The following RBFOX1 variants were observed in gnomAD, a reference collection of about 807,000 sequenced individuals.
The protein encoded by RBFOX1 is RNA binding protein fox-1 homolog 1.
In RBFOX1, 8 loss-of-function variants were observed where a neutral mutation model predicts 57.7. The observed-to-expected ratio is 0.14, with a 90% CI of 0.08 to 0.25. The LOEUF is 0.25. Among genes scored for constraint, RBFOX1 ranks in the 10% least tolerant of loss-of-function variants. The pLI is 1.00. For synonymous variants in RBFOX1, 326 were observed against 222.4 expected, an observed-to-expected ratio of 1.47 and a Z score of -4.15; for missense variants, 611 against 548.5, an observed-to-expected ratio of 1.11 and a Z score of -1.14.
intron 4 of RBFOX1, among the ~76,000 whole-genome samples, chr16:7,432,459 C>A (rs2098689668): frequency 6.6e-6 from 1 of 152,170 alleles, no homozygotes; most frequent in Non-Finnish European, 1.5e-5. Context: ...GAGAGACTGT[C>A]ACTCAGGTTG....
intron 1 of RBFOX1, among the ~76,000 whole-genome samples, chr16:6,236,130 C>T (rs576220557): frequency 1.6e-3 from 244 of 152,294 alleles, no homozygotes; most frequent in African/African-American, 5.4e-3. Context: ...AAAAGCAAAA[C>T]ATATTCCATA....
At chr16:7,211,458 A>G (rs1210953750) in intron 4 of RBFOX1, among the ~76,000 whole-genome samples, 2 of 151,390 alleles carry the variant, frequency 1.3e-5, no homozygotes, top group Non-Finnish European at 2.9e-5. Flanking sequence ...GTGGGCTGGT[A>G]GCTGTCATAG....
At chr16:7,678,348 T>C (rs1370089331) in intron 14 of RBFOX1, among the ~76,000 whole-genome samples, 1 of 152,190 alleles carries the variant, frequency 6.6e-6, no homozygotes, top group East Asian at 1.9e-4. Flanking sequence ...ATAAAAATGA[T>C]GACAATCTTG....
At position 6,466,187 on chromosome 16, in the gene RBFOX1, A is replaced by AC. The variant is rs1201694445; in HGVS notation, c.-64+149132dup. On this transcript the variant is annotated intron_variant, in intron 2 of 15. Transcript: ENST00000550418. ...GAGGTTGCAAGTGAGCTGAGGTTGC[A>AC]CCACTGCACTCCAGCCTGGGCGACA... Among the ~76,000 whole-genome samples the AC allele has an allele frequency of 3.3e-5, 5 of 151,358 alleles. No individual in the cohort carries two copies. In the East Asian group the frequency reaches 9.7e-4, roughly 29 times the overall value.
chr16:6,098,951 G>C (rs1003222103), intron 1 of RBFOX1, among the ~76,000 whole-genome samples: 4 of 152,182 alleles, frequency 2.6e-5, no homozygotes, highest in African/African-American at 4.8e-5. Context: ...CACTTCGTAA[G>C]CCACCTTCTG....
At chr16:5,649,845 T>C (rs1048219991) in intron 3 of RBFOX1, among the ~76,000 whole-genome samples, 24 of 152,196 alleles carry the variant, frequency 1.6e-4, no homozygotes, top group African/African-American at 5.1e-4. Context: ...GGCTGGTGGA[T>C]TGCCCTTGAG....
chr16:6,358,552 G>C (rs1029884859), intron 2 of RBFOX1, among the ~76,000 whole-genome samples: 1 of 152,180 alleles, frequency 6.6e-6, no homozygotes, highest in African/African-American at 2.4e-5. Flanking sequence ...AATTTGAATA[G>C]ATTTCATTTA....
chr16:7,067,754 C>T (rs1445027173), intron 4 of RBFOX1, among the ~76,000 whole-genome samples: 2 of 138,112 alleles, frequency 1.4e-5, no homozygotes, highest in Non-Finnish European at 3.0e-5. Context: ...TCTCATTGTT[C>T]AATTCCTACC....
intron 1 of RBFOX1, among the ~76,000 whole-genome samples, chr16:5,271,523 G>A (rs1270127124): frequency 1.3e-5 from 2 of 152,244 alleles, no homozygotes; most frequent in African/African-American, 2.4e-5. Flanking sequence ...TTTCTGTCCT[G>A]AGATGTAGAG....
intron 2 of RBFOX1, among the ~76,000 whole-genome samples, chr16:6,604,375 C>A (rs889409780): frequency 6.6e-6 from 1 of 151,974 alleles, no homozygotes; most frequent in African/African-American, 2.4e-5. Flanking sequence ...TAGGGCCTTG[C>A]TTTGTTGCCC....
chr16:7,710,989 G>C lies in RBFOX1; in HGVS notation c.*244G>C, dbSNP rs1404492497. ...TTGGTTGCTGGCTGTAGGAGTTTTTGTGGTTGATCTAGACAGATGCTAGAT... is the reference window on the plus strand; with the variant it reads ...TTGGTTGCTGGCTGTAGGAGTTTTTCTGGTTGATCTAGACAGATGCTAGAT... On this transcript the variant is annotated 3_prime_UTR_variant, in exon 16 of 16. Transcript: ENST00000550418. 7.0e-6 allele frequency: 3 copies of C among 428,186 alleles called. No individual in the cohort carries two copies. The highest frequency in any genetic ancestry group is 4.1e-5 in the African/African-American group (2 of 48,522). 26.5% of individuals were successfully genotyped at this position (428,186 alleles called of 1,614,324 possible). A position where few individuals can be genotyped will look rare whatever the true frequency, so the allele number is the denominator to read the frequency against.
chr16:5,335,733 G>C (rs1249385189), intron 1 of RBFOX1, among the ~76,000 whole-genome samples: 1 of 152,170 alleles, frequency 6.6e-6, no homozygotes, highest in Admixed American at 6.5e-5. Context: ...GGCAGAGACT[G>C]CGTTTGTCCC....
chr16:7,597,275 T>C (rs2094753394), intron 8 of RBFOX1, 96 bp from the exon 9 acceptor site: 6 of 857,006 alleles, frequency 7.0e-6, no homozygotes, highest in Non-Finnish European at 7.0e-6. Context: ...TTTAGTTTTC[T>C]TTTTTAATAA....
chr16:7,101,052 C>G (rs2062605186), intron 4 of RBFOX1, among the ~76,000 whole-genome samples: 2 of 152,148 alleles, frequency 1.3e-5, no homozygotes, highest in African/African-American at 4.8e-5. Context: ...CCTATATACA[C>G]TAAAACATCT....
intron 4 of RBFOX1, among the ~76,000 whole-genome samples, chr16:5,874,945 C>G (rs2057566864): frequency 6.6e-6 from 1 of 151,932 alleles, no homozygotes; most frequent in Non-Finnish European, 1.5e-5. Flanking sequence ...GACCCCGTCC[C>G]CCATAAATAA....
chr16:6,763,091 T>C (rs1009367464), intron 3 of RBFOX1, among the ~76,000 whole-genome samples: 20 of 152,210 alleles, frequency 1.3e-4, no homozygotes, highest in African/African-American at 4.8e-4. Context: ...TACGAGAACT[T>C]ATGTAAATGT....
chr16:7,535,087 C>G (rs79190950), intron 5 of RBFOX1, among the ~76,000 whole-genome samples: 3 of 152,256 alleles, frequency 2.0e-5, no homozygotes, highest in African/African-American at 7.2e-5. Flanking sequence ...TTGTACTTCT[C>G]TCTTTTATTA....
At chr16:7,342,675 C>T (rs1044094413) in intron 4 of RBFOX1, among the ~76,000 whole-genome samples, 2 of 152,102 alleles carry the variant, frequency 1.3e-5, no homozygotes, top group African/African-American at 4.8e-5. Context: ...TGCAGAGATA[C>T]AACTGGGGAG....
chr16:6,541,331 T>C (rs2096814645), intron 2 of RBFOX1, among the ~76,000 whole-genome samples: 1 of 152,192 alleles, frequency 6.6e-6, no homozygotes, highest in Non-Finnish European at 1.5e-5. Flanking sequence ...CATTCATTCA[T>C]GTAACAAGTA....
Sources: gnomAD v4.1 joint callset for allele counts (sites outside exome capture counted in the v4.1 genomes callset) on GRCh38, gnomAD v4.1.1 for gene constraint, MANE v1.5 for transcripts, NCBI Gene and HGNC (gene_info 2026-07-23, HGNC 2026-07-21) for gene names.